Variants in TBC1D22A observed in about 807,000 individuals in gnomAD.
TBC1D22A encodes putative GTPase activator.
In TBC1D22A, 38 loss-of-function variants were observed where a neutral mutation model predicts 60.2. The observed-to-expected ratio is 0.63, with a 90% CI of 0.49 to 0.83. The LOEUF (loss-of-function observed/expected upper bound fraction) is 0.83, where lower values mean the gene tolerates loss of function less well. Ranked by LOEUF, TBC1D22A falls within the 40% of genes least tolerant of loss-of-function variation. The pLI is 0.00. For missense variants in TBC1D22A, 628 were observed against 701.0 expected (o/e 0.90, Z 1.18); for synonymous variants, 302 against 281.7 (o/e 1.07, Z -0.72).
At chr22:46,908,225 C>T (rs554813598) in intron 7 of TBC1D22A, among the ~76,000 whole-genome samples, 1 of 152,272 alleles carries the variant, frequency 6.6e-6, no homozygotes, top group East Asian at 1.9e-4. Flanking sequence ...GGTGGTCAGG[C>T]TTGTGGCAGT....
chr22:46,807,043 G>A (rs948461201), intron 4 of TBC1D22A, among the ~76,000 whole-genome samples: 3 of 152,236 alleles, frequency 2.0e-5, no homozygotes, highest in African/African-American at 4.8e-5. Flanking sequence ...TTCTGTGACC[G>A]CAGATTCTTC....
intron 7 of TBC1D22A, among the ~76,000 whole-genome samples, chr22:46,906,072 C>T (rs1329548139): frequency 6.6e-6 from 1 of 152,088 alleles, no homozygotes; most frequent in Non-Finnish European, 1.5e-5. Context: ...GGACCTGCGA[C>T]CTGCGTTTGG....
At chr22:46,935,609 G>A (rs537934004) in intron 8 of TBC1D22A, among the ~76,000 whole-genome samples, 1 of 152,320 alleles carries the variant, frequency 6.6e-6, no homozygotes, top group Admixed American at 6.5e-5. Flanking sequence ...CCTCCTTTCC[G>A]AGTCTAGGAG....
chr22:46,784,225 G>A (rs2084062785), intron 1 of TBC1D22A, among the ~76,000 whole-genome samples: 1 of 151,942 alleles, frequency 6.6e-6, no homozygotes, highest in Middle Eastern at 3.2e-3. Context: ...TATTTTTTTG[G>A]TAGAGATGGG....
Position 47,173,830 on chromosome 22 carries a change from C to A in TBC1D22A, c.*204C>A. ...GGACAGCCTTTGTTTTCTGAGATACCAAAGAGAGCCAGGGGAGGGCCCCGG... is the reference window on the plus strand; with the variant it reads ...GGACAGCCTTTGTTTTCTGAGATACAAAAGAGAGCCAGGGGAGGGCCCCGG... On this transcript the variant is annotated 3_prime_UTR_variant, in exon 13 of 13. Coordinates refer to ENST00000337137, the MANE Select transcript of TBC1D22A (RefSeq NM_014346.5). The A allele has an allele frequency of 1.2e-6, 1 of 825,878 alleles. No homozygotes were observed. The highest frequency in any genetic ancestry group is 1.8e-6 in the Non-Finnish European group (1 of 562,580). 51.2% of individuals were successfully genotyped at this position (825,878 alleles called of 1,614,324 possible).
At chr22:46,911,424 C>G (rs2147779040) in intron 7 of TBC1D22A, among the ~76,000 whole-genome samples, 1 of 152,312 alleles carries the variant, frequency 6.6e-6, no homozygotes, top group South Asian at 2.1e-4. Context: ...ATCTGCTCGC[C>G]TGCTCACTCA....
chr22:47,096,000 A>G (rs1351165888), intron 11 of TBC1D22A, among the ~76,000 whole-genome samples: 3 of 152,194 alleles, frequency 2.0e-5, no homozygotes, highest in Non-Finnish European at 2.9e-5. Context: ...AGAAAAGACC[A>G]CTTCAGATTA....
chr22:47,099,461 T>C (rs540573722), intron 11 of TBC1D22A, among the ~76,000 whole-genome samples: 1 of 151,420 alleles, frequency 6.6e-6, no homozygotes, highest in African/African-American at 2.4e-5. Flanking sequence ...TTTTTTTTTT[T>C]TGAAACGGAG....
intron 1 of TBC1D22A, among the ~76,000 whole-genome samples, chr22:46,767,709 A>G (rs1237146584): frequency 6.6e-6 from 1 of 152,100 alleles, no homozygotes; most frequent in East Asian, 1.9e-4. Flanking sequence ...CTGAGGTGAC[A>G]TTTGAGGAAA....
intron 7 of TBC1D22A, among the ~76,000 whole-genome samples, chr22:46,899,557 A>G (rs887421698): frequency 1.3e-5 from 2 of 152,234 alleles, no homozygotes; most frequent in African/African-American, 4.8e-5. Context: ...AAGTGATGGC[A>G]AATCCCGAAT....
chr22:46,998,233 T>A (rs1473124777), intron 10 of TBC1D22A, among the ~76,000 whole-genome samples: 1 of 152,092 alleles, frequency 6.6e-6, no homozygotes, highest in East Asian at 1.9e-4. Context: ...TTTAAAATAA[T>A]CCCCCCTGCG....
chr22:46,790,973 A>G (rs1214727003), intron 1 of TBC1D22A, among the ~76,000 whole-genome samples: 1 of 152,204 alleles, frequency 6.6e-6, no homozygotes, highest in African/African-American at 2.4e-5. Flanking sequence ...CCCAGATTGG[A>G]GTGCAGTGGT....
rs150688465 is a variant in TBC1D22A, at chr22:47,058,223, C to T, written c.1329+21025C>T. Reference sequence around the variant, plus strand: ...CCCTGCCCTTAGTGGGTCTTTGTGTCTCAAAGGTGGCTCTGAGGGGCTGGC... The same window carrying T: ...CCCTGCCCTTAGTGGGTCTTTGTGTTTCAAAGGTGGCTCTGAGGGGCTGGC... On this transcript the variant is annotated intron_variant, in intron 11 of 12. Transcript: ENST00000337137. Among the ~76,000 whole-genome samples, 866 of 152,290 alleles carry T rather than the reference C, an allele frequency of 5.7e-3. 7 individuals are homozygous for T. The highest frequency in any genetic ancestry group is 0.01 in the Non-Finnish European group (687 of 68,010).
intron 4 of TBC1D22A, among the ~76,000 whole-genome samples, chr22:46,815,322 C>G (rs1242608334): frequency 2.6e-5 from 4 of 152,170 alleles, no homozygotes; most frequent in African/African-American, 9.7e-5. Context: ...CCTGCTGGCC[C>G]CATGCAGTTT....
At chr22:47,038,504 A>C (rs1355141412) in intron 11 of TBC1D22A, among the ~76,000 whole-genome samples, 1 of 152,204 alleles carries the variant, frequency 6.6e-6, no homozygotes, top group Non-Finnish European at 1.5e-5. Flanking sequence ...AGCTGCTCCC[A>C]CAGGGCCTCA....
chr22:46,854,513 A>G (rs1452807503), intron 4 of TBC1D22A, among the ~76,000 whole-genome samples: 2 of 151,878 alleles, frequency 1.3e-5, no homozygotes, highest in African/African-American at 2.4e-5. Context: ...CTTTTTCCCC[A>G]TATCTAGTTA....
intron 10 of TBC1D22A, among the ~76,000 whole-genome samples, chr22:47,005,475 C>T (rs558738901): frequency 1.6e-3 from 243 of 151,816 alleles, no homozygotes; most frequent in African/African-American, 5.5e-3. Flanking sequence ...CATATACACA[C>T]GCATACCTAC....
intron 7 of TBC1D22A, among the ~76,000 whole-genome samples, chr22:46,905,655 G>T (rs1036793308): frequency 3.3e-5 from 5 of 152,192 alleles, no homozygotes; most frequent in Non-Finnish European, 5.9e-5. Context: ...AGGCGGACAC[G>T]CGAGGGCCAG....
chr22:46,970,589 G>A (rs1173062997), intron 8 of TBC1D22A, among the ~76,000 whole-genome samples: 1 of 152,294 alleles, frequency 6.6e-6, no homozygotes, highest in East Asian at 1.9e-4. Flanking sequence ...TTCCCAGGTC[G>A]TGCCTCGTTC....
Sources: gnomAD v4.1 joint callset for allele counts (sites outside exome capture counted in the v4.1 genomes callset) on GRCh38, gnomAD v4.1.1 for gene constraint, MANE v1.5 for transcripts, NCBI Gene and HGNC (gene_info 2026-07-23, HGNC 2026-07-21) for gene names.